The following ABCD3 variants were observed in gnomAD, a reference collection of about 807,000 sequenced individuals.
ABCD3 encodes the protein ATP binding cassette subfamily D member 3.
ABCD3 carries 41 observed loss-of-function variants against 105.5 expected under a neutral mutation model. That is an observed-to-expected ratio of 0.39 (90% CI 0.30 to 0.50). The LOEUF (loss-of-function observed/expected upper bound fraction) is 0.50. ABCD3 is among the 20% of genes least tolerant of loss of function. The pLI is 0.84. For missense variants in ABCD3, 622 were observed against 806.3 expected (o/e 0.77, Z 2.77); for synonymous variants, 258 against 269.0 (o/e 0.96, Z 0.40).
intron 3 of ABCD3, among the ~76,000 whole-genome samples, chr1:94,466,616 T>A (rs1222348692): frequency 6.6e-6 from 1 of 152,200 alleles, no homozygotes; most frequent in Non-Finnish European, 1.5e-5. Flanking sequence ...AATATGTTTT[T>A]AAAAATTGCT....
At chr1:94,456,313 C>T (rs961781768) in intron 1 of ABCD3, among the ~76,000 whole-genome samples, 25 of 125,400 alleles carry the variant, frequency 2.0e-4, no homozygotes, top group Middle Eastern at 6.2e-3. Context: ...CTTGCTCTGT[C>T]GCCCAGGCTG....
chr1:94,494,398 T>C (rs1461344277), intron 16 of ABCD3, among the ~76,000 whole-genome samples: 2 of 152,190 alleles, frequency 1.3e-5, no homozygotes, highest in African/African-American at 2.4e-5. Flanking sequence ...CTGTTATGAA[T>C]TCTAATCTCT....
the ABCD3 span, among the ~76,000 whole-genome samples, chr1:94,412,347 T>A: frequency 1.3e-5 from 2 of 152,132 alleles, no homozygotes; most frequent in African/African-American, 4.8e-5. Flanking sequence ...TATAAGCAAA[T>A]AAGTATATAT....
intron 1 of ABCD3, among the ~76,000 whole-genome samples, chr1:94,457,856 C>T (rs775478069): frequency 5.9e-5 from 9 of 152,156 alleles, no homozygotes; most frequent in African/African-American, 1.7e-4. Flanking sequence ...ATTTGTACCC[C>T]AGACACCATA....
intron 8 of ABCD3, chr1:94,480,204 C>T: frequency 2.0e-6 from 1 of 503,808 alleles, no homozygotes; most frequent in Non-Finnish European, 3.5e-6. Context: ...CTGTGAACTG[C>T]AATTAGGAGT....
chr1:94,457,819 A>G (rs1050036597), intron 1 of ABCD3, among the ~76,000 whole-genome samples: 1 of 152,164 alleles, frequency 6.6e-6, no homozygotes, highest in South Asian at 2.1e-4. Context: ...TCTGCCTTCC[A>G]TTCACAGGTG....
chr1:94,399,972 G>A, the ABCD3 span, among the ~76,000 whole-genome samples: 1 of 152,160 alleles, frequency 6.6e-6, no homozygotes, highest in Non-Finnish European at 1.5e-5. Context: ...GATCACTTGA[G>A]CCCAGGAGTG....
intron 21 of ABCD3, among the ~76,000 whole-genome samples, chr1:94,511,830 T>G (rs1391568613): frequency 6.6e-6 from 1 of 152,124 alleles, no homozygotes; most frequent in East Asian, 1.9e-4. Context: ...TGAGCCTTGG[T>G]TTTCAGCTCC....
chr1:94,404,275 C>T, the ABCD3 span, among the ~76,000 whole-genome samples: 26 of 152,142 alleles, frequency 1.7e-4, no homozygotes, highest in Non-Finnish European at 2.9e-4. Flanking sequence ...GCCCATAATA[C>T]TAGAATAAAC....
rs534227185 is a variant in ABCD3, at chr1:94,453,569, C to T, written c.111-5038C>T. Among the ~76,000 whole-genome samples the T allele has an allele frequency of 2.6e-5, 4 of 152,104 alleles. No homozygotes were observed. The East Asian group carries it at 5.8e-4, about 22-fold the overall frequency. ...TCCTGACCTCGTGATCCGCCCACCT[C>T]GGCCTCCCAAAGTGCTGGGATTACA... On this transcript the variant is annotated intron_variant, in intron 1 of 22. Transcript: ENST00000370214.
chr1:94,513,600 G>A (rs902461339), intron 21 of ABCD3: 2 of 152,046 alleles, frequency 1.3e-5, no homozygotes, highest in African/African-American at 4.8e-5. Context: ...CAACATTAAA[G>A]AGACCTATGA....
rs528952121 is a variant in ABCD3, at chr1:94,466,019, C to T, written c.246+1146C>T. 4.1e-4 allele frequency among the ~76,000 whole-genome samples: 63 copies of T among 152,266 alleles called. 1 individual carries two copies. In the South Asian group the frequency reaches 0.012, roughly 28 times the overall value. On this transcript the variant is annotated intron_variant, in intron 3 of 22. Transcript: ENST00000370214. Reference sequence around the variant, plus strand: ...CATGCTGGATTTGCTCTTTCCCTCACTTTGGCATCATCTCCTGATGATTCT... The same window carrying T: ...CATGCTGGATTTGCTCTTTCCCTCATTTTGGCATCATCTCCTGATGATTCT...
the ABCD3 span, among the ~76,000 whole-genome samples, chr1:94,411,450 G>A: frequency 3.9e-5 from 6 of 152,228 alleles, no homozygotes; most frequent in Middle Eastern, 3.4e-3. Flanking sequence ...CACTCATTAG[G>A]ATGCCTGTAA....
intron 1 of ABCD3, 122 bp from the exon 2 acceptor site, chr1:94,458,465 ATTTAATATGTTCTATCTCAC>A: frequency 2.7e-6 from 2 of 740,698 alleles, no homozygotes; most frequent in Non-Finnish European, 4.6e-6. Context: ...GACTATTATT[ATTTAATATGTTCTATCTCAC>A]TATGATGTGA....
At chr1:94,428,083 T>A (rs908704108) in intron 1 of ABCD3, among the ~76,000 whole-genome samples, 19 of 151,968 alleles carry the variant, frequency 1.3e-4, no homozygotes, top group African/African-American at 4.3e-4. Flanking sequence ...TGTTTTTTTT[T>A]TTATTTTTTA....
At chr1:94,410,639 G>A in the ABCD3 span, among the ~76,000 whole-genome samples, 1 of 152,116 alleles carries the variant, frequency 6.6e-6, no homozygotes, top group Non-Finnish European at 1.5e-5. Flanking sequence ...TCAGCTGAAC[G>A]CCTAGGTCTG....
chr1:94,417,296 A>G (rs150767789), upstream of ABCD3, among the ~76,000 whole-genome samples: 2,020 of 152,326 alleles, frequency 0.013, 51 homozygotes, highest in African/African-American at 0.046. Context: ...ATTAGGCAAC[A>G]GCTCATTTAT....
At chr1:94,455,693 A>G (rs1028775360) in intron 1 of ABCD3, 4 of 495,114 alleles carry the variant, frequency 8.1e-6, no homozygotes, top group East Asian at 6.9e-5. Context: ...GTTCAGGCCA[A>G]TTGAAGCTTT....
chr1:94,513,858 AAT>A (rs1650800705), intron 21 of ABCD3: 1 of 152,012 alleles, frequency 6.6e-6, no homozygotes, highest in African/African-American at 2.4e-5. Context: ...GTATGGTTGA[AAT>A]ATATGTTTTA....
Sources: allele counts gnomAD v4.1 joint callset (sites outside exome capture counted in the v4.1 genomes callset), GRCh38; gene constraint gnomAD v4.1.1; transcripts MANE v1.5; gene names NCBI Gene and HGNC (gene_info 2026-07-23, HGNC 2026-07-21).